Variants in SH2D4B observed in about 807,000 individuals in gnomAD.
The protein encoded by SH2D4B is SH2 domain containing 4B, also known as SH2 domain-containing protein 4B.
SH2D4B carries 45 observed loss-of-function variants against 61.5 expected under a neutral mutation model. That is an observed-to-expected ratio of 0.73 (90% CI 0.58 to 0.94). The LOEUF is 0.94. Among genes scored for constraint, SH2D4B ranks in the 40% least tolerant of loss-of-function variants. The probability of loss-of-function intolerance (pLI) is 0.00; values close to 1 mark genes in which losing one functional copy is unlikely to be tolerated. For synonymous variants in SH2D4B, 224 were observed against 220.4 expected (o/e 1.02, Z -0.14); for missense variants, 572 against 574.2 (o/e 1.00, Z 0.04).
intron 3 of SH2D4B, among the ~76,000 whole-genome samples, chr10:80,575,056 G>A (rs1842108935): frequency 6.7e-6 from 1 of 150,238 alleles, no homozygotes; most frequent in African/African-American, 2.5e-5. Flanking sequence ...GAAACAGTAT[G>A]TACCCTCCAC....
chr10:80,609,623 G>A, intron 6 of SH2D4B, 72 bp downstream of exon 6: 5 of 1,605,532 alleles, frequency 3.1e-6, no homozygotes, highest in Non-Finnish European at 3.4e-6. Context: ...TTGGGGAGGG[G>A]TGCTGAAGGA....
chr10:80,580,984 G>A (rs1208050193), intron 3 of SH2D4B, among the ~76,000 whole-genome samples: 4 of 152,304 alleles, frequency 2.6e-5, no homozygotes, highest in South Asian at 2.1e-4. Context: ...AGTTGCAACA[G>A]CAATGAGAAT....
intron 1 of SH2D4B, among the ~76,000 whole-genome samples, chr10:80,558,468 G>A (rs75880892): frequency 0.051 from 7,800 of 152,026 alleles, 631 homozygotes; most frequent in African/African-American, 0.18. Flanking sequence ...GCCATATAAT[G>A]ATCATGCATT....
intron 3 of SH2D4B, among the ~76,000 whole-genome samples, chr10:80,572,102 G>A (rs1161000734): frequency 6.6e-6 from 1 of 152,060 alleles, no homozygotes; most frequent in Non-Finnish European, 1.5e-5. Context: ...TTACAGATGA[G>A]GAAACTGAGG....
chr10:80,614,833 G>A (rs968030883), intron 6 of SH2D4B, among the ~76,000 whole-genome samples: 1 of 152,254 alleles, frequency 6.6e-6, no homozygotes, highest in South Asian at 2.1e-4. Flanking sequence ...CTGGGAGTCT[G>A]TGGGCTGAGG....
intron 5 of SH2D4B, chr10:80,607,587 T>C (rs978830215): frequency 2.6e-5 from 4 of 152,270 alleles, no homozygotes; most frequent in African/African-American, 7.2e-5. Flanking sequence ...TGTGCATGCA[T>C]GTGCATGTGT....
chr10:80,588,612 G>C lies in SH2D4B; in HGVS notation c.496-18G>C. 1.2e-6 allele frequency: 2 copies of C among 1,613,354 alleles called. No individual in the cohort carries two copies. The highest frequency in any genetic ancestry group is 1.7e-6 in the Non-Finnish European group (2 of 1,179,862). On this transcript the variant is annotated intron_variant, in intron 3 of 7. Coordinates refer to ENST00000646907, the MANE Select transcript of SH2D4B (RefSeq NM_001388272.1). ...TGTTGTGGTCATCTCGTGTTGTTCT[G>C]TTCCCATGACATTTTAGAGGAAAGA...
intron 4 of SH2D4B, among the ~76,000 whole-genome samples, chr10:80,589,795 A>T (rs960655568): frequency 1.3e-5 from 2 of 152,182 alleles, no homozygotes; most frequent in Non-Finnish European, 2.9e-5. Context: ...TGGGAAGGGC[A>T]CTGTAGGTAG....
intron 6 of SH2D4B, among the ~76,000 whole-genome samples, chr10:80,629,881 G>C (rs568441623): frequency 9.8e-5 from 15 of 152,292 alleles, no homozygotes; most frequent in Admixed American, 2.6e-4. Flanking sequence ...CAAGTCCCGG[G>C]TTATGATTTG....
chr10:80,569,299 G>A (rs766220443), intron 1 of SH2D4B, among the ~76,000 whole-genome samples: 4 of 152,198 alleles, frequency 2.6e-5, no homozygotes, highest in East Asian at 3.9e-4. Context: ...GCCTTGGCCC[G>A]GGAGTGACAC....
Position 80,631,712 on chromosome 10 carries a change from C to T in SH2D4B, c.989-2573C>T, listed in dbSNP as rs146940856. ...GTGAAATAAGTCAGGCACAGAAAGACAAATACCTCATGATCTCACTTATAT... is the reference window on the plus strand; with the variant it reads ...GTGAAATAAGTCAGGCACAGAAAGATAAATACCTCATGATCTCACTTATAT... On this transcript the variant is annotated intron_variant, in intron 6 of 7. Transcript: ENST00000646907. 6.6e-5 allele frequency among the ~76,000 whole-genome samples: 10 copies of T among 152,294 alleles called. No homozygotes were observed. In the East Asian group the frequency reaches 1.9e-3, roughly 29 times the overall value.
Position 80,571,592 on chromosome 10 carries a change from T to C in SH2D4B, c.495+14T>C. 6.2e-7 allele frequency: 1 copy of C among 1,612,086 alleles called. No homozygotes were observed. The highest frequency in any genetic ancestry group is 8.5e-7 in the Non-Finnish European group (1 of 1,179,288). The stretch of plus-strand genomic sequence containing the variant: ...GAGGAATTCAAGGTGGGCCAGCGCA[T>C]GGGGCCCCTGCGTGCGGCCACCTAA... On this transcript the variant is annotated intron_variant, in intron 3 of 7. Transcript: ENST00000646907.
At chr10:80,610,615 C>G (rs1842585391) in intron 6 of SH2D4B, among the ~76,000 whole-genome samples, 1 of 152,176 alleles carries the variant, frequency 6.6e-6, no homozygotes, top group Admixed American at 6.5e-5. Context: ...ACCCCTGCCT[C>G]TCACCCAGGG....
chr10:80,581,076 C>G (rs932933852), intron 3 of SH2D4B, among the ~76,000 whole-genome samples: 1 of 152,200 alleles, frequency 6.6e-6, no homozygotes, highest in Non-Finnish European at 1.5e-5. Context: ...TTTCCTTTGT[C>G]GTCCCCATCC....
chr10:80,635,724 T>C (rs1842890949), intron 7 of SH2D4B, among the ~76,000 whole-genome samples: 1 of 152,190 alleles, frequency 6.6e-6, no homozygotes, highest in Admixed American at 6.5e-5. Flanking sequence ...ACTGAACCTA[T>C]TGCTCTACAT....
intron 1 of SH2D4B, among the ~76,000 whole-genome samples, chr10:80,567,325 A>G (rs1460807225): frequency 6.6e-6 from 1 of 152,194 alleles, no homozygotes; most frequent in Non-Finnish European, 1.5e-5. Flanking sequence ...TGAGGAAGAG[A>G]CATAGGGTGG....
chr10:80,588,616 C>G lies in SH2D4B; in HGVS notation c.496-14C>G, dbSNP rs758330294. ...GTGGTCATCTCGTGTTGTTCTGTTC[C>G]CATGACATTTTAGAGGAAAGAGGAA... On this transcript the variant is annotated splice_polypyrimidine_tract_variant and intron_variant, in intron 3 of 7. Coordinates refer to ENST00000646907, the MANE Select transcript of SH2D4B (RefSeq NM_001388272.1). 3 of 1,613,354 alleles carry G rather than the reference C, an allele frequency of 1.9e-6. No individual in the cohort carries two copies.
At chr10:80,566,156 T>C (rs1274068381) in intron 1 of SH2D4B, among the ~76,000 whole-genome samples, 1 of 146,444 alleles carries the variant, frequency 6.8e-6, no homozygotes, top group Non-Finnish European at 1.5e-5. Context: ...AGAAGACTTA[T>C]CCAGTTTGTT....
chr10:80,635,277 G>A (rs1364813072), intron 7 of SH2D4B, among the ~76,000 whole-genome samples: 6 of 152,176 alleles, frequency 3.9e-5, no homozygotes, highest in Non-Finnish European at 8.8e-5. Context: ...GTGGCCGTTG[G>A]CATCATTAGT....
Sources: gnomAD v4.1 joint callset for allele counts (sites outside exome capture counted in the v4.1 genomes callset) on GRCh38, gnomAD v4.1.1 for gene constraint, MANE v1.5 for transcripts, NCBI Gene and HGNC (gene_info 2026-07-23, HGNC 2026-07-21) for gene names.